Variants in PRSS55 observed in about 807,000 individuals in gnomAD.
PRSS55 encodes probable serine protease UNQ9391/PRO34284.
Under a neutral mutation model 23.6 loss-of-function variants are expected in PRSS55, and 41 were observed. The observed-to-expected ratio is 1.74, with a 90% confidence interval of 1.35 to 2.26. The LOEUF (loss-of-function observed/expected upper bound fraction) is 2.26. PRSS55 is among the 30% of genes most tolerant of loss of function. PRSS55 has a pLI of 0.00. For missense variants in PRSS55, 669 were observed against 439.1 expected, an observed-to-expected ratio of 1.52 and a Z score of -4.68; for synonymous variants, 262 against 175.5, an observed-to-expected ratio of 1.49 and a Z score of -3.90.
Position 10,532,224 on chromosome 8 carries a change from G to A in PRSS55, c.598+679G>A, listed in dbSNP as rs534368452. Reference sequence around the variant, plus strand: ...GTTTCAGGAGTTTAGCAACCAGAGGGGGAAGCGGTGGGACCTTAGTTCTGG... The same window carrying A: ...GTTTCAGGAGTTTAGCAACCAGAGGAGGAAGCGGTGGGACCTTAGTTCTGG... On this transcript the variant is annotated intron_variant, in intron 3 of 4. Transcript: ENST00000328655. Among the ~76,000 whole-genome samples the A allele has an allele frequency of 2.0e-5, 3 of 152,296 alleles. No individual in the cohort carries two copies. In the East Asian group the frequency reaches 5.8e-4, roughly 29 times the overall value.
At chr8:10,552,068 C>G (rs555727273) in intron 4 of PRSS55, among the ~76,000 whole-genome samples, 3 of 152,136 alleles carry the variant, frequency 2.0e-5, no homozygotes, top group South Asian at 4.1e-4. Context: ...CCTCAGTAAG[C>G]CTTCATGTGC....
At chr8:10,529,786 G>A (rs994901311) in intron 2 of PRSS55, 87 bp downstream of exon 2, 11 of 1,327,422 alleles carry the variant, frequency 8.3e-6, no homozygotes, top group South Asian at 5.3e-5. Flanking sequence ...GTGGCTGAGA[G>A]GAACCTGCGA....
chr8:10,531,586 C>T (rs1200304794), intron 3 of PRSS55, 41 bp downstream of exon 3: 3 of 1,606,216 alleles, frequency 1.9e-6, no homozygotes, highest in Non-Finnish European at 2.5e-6. Context: ...AAAGCCACTG[C>T]AATGTGAAGG....
intron 4 of PRSS55, among the ~76,000 whole-genome samples, chr8:10,546,179 G>T (rs1280851850): frequency 6.6e-6 from 1 of 152,174 alleles, no homozygotes; most frequent in Non-Finnish European, 1.5e-5. Context: ...CCAAGAACGT[G>T]AGCCTCTATG....
intron 4 of PRSS55, among the ~76,000 whole-genome samples, chr8:10,537,708 T>G (rs1280263080): frequency 6.6e-6 from 1 of 152,198 alleles, no homozygotes; most frequent in Non-Finnish European, 1.5e-5. Context: ...GTGTACCTCA[T>G]AAACATACAA....
In PRSS55 at chr8:10,538,615, G is replaced by A; in HGVS notation, c.881G>A (p.Trp294Ter). The change falls in exon 5 of 5, where the codon TGG becomes TAG. Residue 294 changes from tryptophan to a stop codon, truncating the protein, a stop_gained. Coordinates refer to ENST00000328655, the MANE Select transcript of PRSS55 (RefSeq NM_198464.4). LOFTEE classifies it low-confidence loss of function (END_TRUNC). ...ACCTCGTTGGTGAACTACAACCTCTGGATCGAGAAAGTGACCCAGCTAGAG... is the reference window on the plus strand; with the variant it reads ...ACCTCGTTGGTGAACTACAACCTCTAGATCGAGAAAGTGACCCAGCTAGAG... ...IYTSLVNYNLWIEKVTQLEGR... is the reference protein window; with the variant it reads ...IYTSLVNYNL The A allele has an allele frequency of 1.9e-6, 3 of 1,614,154 alleles. No individual in the cohort carries two copies. The highest frequency in any genetic ancestry group is 2.2e-5 in the East Asian group (1 of 44,880).
chr8:10,550,430 T>C (rs780043073), intron 4 of PRSS55, among the ~76,000 whole-genome samples: 22 of 152,204 alleles, frequency 1.4e-4, no homozygotes, highest in Admixed American at 6.5e-4. Flanking sequence ...GTCCTGGCTC[T>C]GGTGTAGCAT....
At chr8:10,528,748 T>C (rs1812129566) in intron 1 of PRSS55, among the ~76,000 whole-genome samples, 1 of 152,220 alleles carries the variant, frequency 6.6e-6, no homozygotes, top group Admixed American at 6.5e-5. Flanking sequence ...CCTACAGTAC[T>C]GTGGGACAGA....
rs546103594 is a variant in PRSS55, at chr8:10,529,019, C to T, written c.155-488C>T. ...TCCACTGGCCCCTCAGAAAAGCCAG[C>T]ATCACGTTCCCACTCTGAGGGCAGT... is the stretch of plus-strand genomic sequence containing the variant. On this transcript the variant is annotated intron_variant, in intron 1 of 4. Coordinates refer to ENST00000328655, the MANE Select transcript of PRSS55 (RefSeq NM_198464.4). 2.0e-5 allele frequency among the ~76,000 whole-genome samples: 3 copies of T among 152,314 alleles called. No individual in the cohort carries two copies. The East Asian group carries it at 5.8e-4, about 29-fold the overall frequency.
intron 4 of PRSS55, among the ~76,000 whole-genome samples, chr8:10,544,167 T>C (rs1192697817): frequency 2.0e-5 from 3 of 152,186 alleles, no homozygotes; most frequent in Non-Finnish European, 4.4e-5. Context: ...CTTCCTTCAA[T>C]TGTCATTTTT....
chr8:10,527,469 G>A (rs574458285), intron 1 of PRSS55, among the ~76,000 whole-genome samples: 5 of 152,368 alleles, frequency 3.3e-5, no homozygotes, highest in Admixed American at 1.3e-4. Context: ...TTGATGTAAC[G>A]AGGATGCAAT....
chr8:10,534,114 A>G, intron 4 of PRSS55, among the ~76,000 whole-genome samples: 1 of 123,120 alleles, frequency 8.1e-6, no homozygotes, highest in East Asian at 2.4e-4. Context: ...GCAATTTAAA[A>G]TATTACCAAA....
intron 3 of PRSS55, among the ~76,000 whole-genome samples, chr8:10,532,696 A>T (rs1286658044): frequency 6.6e-6 from 1 of 152,116 alleles, no homozygotes; most frequent in African/African-American, 2.4e-5. Context: ...GTTTTGAATG[A>T]GAAGAATAGT....
chr8:10,550,887 G>C (rs1449874108), intron 4 of PRSS55, among the ~76,000 whole-genome samples: 1 of 152,212 alleles, frequency 6.6e-6, no homozygotes, highest in Non-Finnish European at 1.5e-5. Flanking sequence ...GCTGGAGGGA[G>C]GATTGCTTGC....
intron 4 of PRSS55, among the ~76,000 whole-genome samples, chr8:10,546,950 G>A (rs1254498308): frequency 6.6e-6 from 1 of 152,122 alleles, no homozygotes; most frequent in African/African-American, 2.4e-5. Flanking sequence ...TCAAAGTGCT[G>A]GGATTACAGG....
chr8:10,527,098 C>T (rs368152925), intron 1 of PRSS55, among the ~76,000 whole-genome samples: 15 of 152,322 alleles, frequency 9.8e-5, no homozygotes, highest in Middle Eastern at 3.4e-3. Context: ...ACATTCTCAA[C>T]GTAATAAAAT....
intron 4 of PRSS55, among the ~76,000 whole-genome samples, chr8:10,537,273 C>G (rs917468014): frequency 9.2e-5 from 14 of 152,140 alleles, no homozygotes; most frequent in Admixed American, 2.0e-4. Context: ...AGGCAGTATA[C>G]ACGACGGAAT....
intron 3 of PRSS55, among the ~76,000 whole-genome samples, chr8:10,532,404 G>A (rs889515758): frequency 1.6e-4 from 24 of 152,080 alleles, no homozygotes; most frequent in Admixed American, 5.2e-4. Flanking sequence ...GGCATCTGGC[G>A]GCCCAGAAAG....
At chr8:10,541,270 G>A (rs1212153371), downstream of PRSS55, 2 of 152,386 alleles carry the variant, frequency 1.3e-5, no homozygotes, top group Non-Finnish European at 2.9e-5. Flanking sequence ...GGGGATCTGT[G>A]GATGAGATTG....
Sources: gnomAD v4.1 joint callset for allele counts (sites outside exome capture counted in the v4.1 genomes callset) on GRCh38, gnomAD v4.1.1 for gene constraint, MANE v1.5 for transcripts, NCBI Gene and HGNC (gene_info 2026-07-23, HGNC 2026-07-21) for gene names.